Variants in IL1RAPL2 observed in about 807,000 individuals in gnomAD.
The protein encoded by IL1RAPL2 is X-linked interleukin-1 receptor accessory protein-like 2.
A neutral mutation model predicts 44.1 loss-of-function variants in IL1RAPL2; 3 were observed. The ratio of observed to expected loss-of-function variants is 0.07; its 90% CI spans 0.03 to 0.18. The LOEUF is 0.18. Among genes scored for constraint, IL1RAPL2 ranks in the 10% least tolerant of loss-of-function variants. IL1RAPL2 has a pLI of 1.00. For synonymous variants in IL1RAPL2, 181 were observed against 178.8 expected (o/e 1.01, Z -0.10); for missense variants, 391 against 496.4 (o/e 0.79, Z 2.02).
intron 2 of IL1RAPL2, among the ~76,000 whole-genome samples, chrX:104,995,451 G>T (rs749121677): frequency 8.9e-6 from 1 of 111,735 alleles, no homozygotes; most frequent in Non-Finnish European, 1.9e-5. Context: ...TGGCATAAAA[G>T]TGTGATTACT....
chrX:105,281,265 G>A (rs5962501), intron 5 of IL1RAPL2, among the ~76,000 whole-genome samples: 1 of 110,740 alleles, frequency 9.0e-6, no homozygotes, highest in African/African-American at 3.3e-5. Context: ...ACACACCGGG[G>A]ACTTTTGGGG....
intron 5 of IL1RAPL2, among the ~76,000 whole-genome samples, chrX:105,455,747 G>T (rs1363832019): frequency 8.9e-6 from 1 of 112,116 alleles, no homozygotes; most frequent in Non-Finnish European, 1.9e-5. Flanking sequence ...TTTGAAGTCA[G>T]TTAACATGAT....
chrX:105,157,803 TAGTC>T lies in IL1RAPL2; in HGVS notation c.83-37669_83-37666del, dbSNP rs900298044. On this transcript the variant is annotated intron_variant, in intron 2 of 10. Coordinates refer to ENST00000372582, the MANE Select transcript of IL1RAPL2 (RefSeq NM_017416.2). ...CTCTAATGGTTAGGATTTCAGGAATTAGTCAGCAAGTAGGAGAGATTTTAGTTTT... is the reference window on the plus strand; with the variant it reads ...CTCTAATGGTTAGGATTTCAGGAATTAGCAAGTAGGAGAGATTTTAGTTTT... Among the ~76,000 whole-genome samples, 112 of 112,518 alleles carry T rather than the reference TAGTC, an allele frequency of 1.0e-3. 1 individual carries two copies. The highest frequency in any genetic ancestry group is 3.5e-3 in the African/African-American group (108 of 31,015).
chrX:105,193,554 A>C (rs2033649991), intron 2 of IL1RAPL2, among the ~76,000 whole-genome samples: 1 of 112,276 alleles, frequency 8.9e-6, no homozygotes, highest in African/African-American at 3.2e-5. Flanking sequence ...TTTGATCCAG[A>C]GGTGTATCAC....
intron 1 of IL1RAPL2, among the ~76,000 whole-genome samples, chrX:104,610,785 T>G (rs772142782): frequency 2.7e-5 from 3 of 111,696 alleles, no homozygotes; most frequent in East Asian, 2.8e-4. Flanking sequence ...CTACTTTAAA[T>G]TTCATATGGA....
intron 2 of IL1RAPL2, among the ~76,000 whole-genome samples, chrX:104,986,476 G>A (rs1335548164): frequency 8.9e-6 from 1 of 112,104 alleles, no homozygotes; most frequent in Admixed American, 9.5e-5. Context: ...ATAATTTTTT[G>A]TCTGCTAGAA....
At chrX:104,638,754 G>C (rs1004106565) in intron 1 of IL1RAPL2, among the ~76,000 whole-genome samples, 9 of 112,154 alleles carry the variant, frequency 8.0e-5, no homozygotes, top group African/African-American at 2.9e-4. Flanking sequence ...AAAACAATAT[G>C]TTGAGATTTG....
intron 2 of IL1RAPL2, among the ~76,000 whole-genome samples, chrX:105,183,809 A>T (rs2033557917): frequency 2.7e-5 from 3 of 111,382 alleles, no homozygotes; most frequent in Non-Finnish European, 5.7e-5. Context: ...ATGCAGCTGG[A>T]TGTAACTGGG....
At chrX:105,306,305 C>T (rs192940792) in intron 5 of IL1RAPL2, among the ~76,000 whole-genome samples, 1 of 110,719 alleles carries the variant, frequency 9.0e-6, no homozygotes, top group African/African-American at 3.3e-5. Flanking sequence ...GTGTGTATTT[C>T]CCAAGAAAAG....
At position 105,505,716 on chromosome X, in the gene IL1RAPL2, T is replaced by C. The variant is rs139701605; in HGVS notation, c.772+21329T>C. 5.7e-3 allele frequency among the ~76,000 whole-genome samples: 632 copies of C among 111,496 alleles called. 5 individuals carry two copies. The highest frequency in any genetic ancestry group is 0.019 in the African/African-American group (588 of 30,720). On this transcript the variant is annotated intron_variant, in intron 6 of 10. Transcript: ENST00000372582. Reference sequence around the variant, plus strand: ...ATCATGCCAAACATCACAGGAGGGTTCTAATTAAAGAAGTTTCATGATGTA... The same window carrying C: ...ATCATGCCAAACATCACAGGAGGGTCCTAATTAAAGAAGTTTCATGATGTA...
At chrX:104,604,762 ATAAC>A (rs1569279072) in intron 1 of IL1RAPL2, among the ~76,000 whole-genome samples, 1 of 111,169 alleles carries the variant, frequency 9.0e-6, no homozygotes, top group Non-Finnish European at 1.9e-5. Context: ...ATGCAGCAAA[ATAAC>A]TAACTATCCT....
intron 2 of IL1RAPL2, among the ~76,000 whole-genome samples, chrX:104,978,624 A>C (rs1383880645): frequency 1.8e-5 from 2 of 111,831 alleles, no homozygotes; most frequent in East Asian, 2.8e-4. Flanking sequence ...AAGAAGAGGC[A>C]CAATCATCAT....
At chrX:104,817,791 A>AT in intron 2 of IL1RAPL2, among the ~76,000 whole-genome samples, 1 of 111,868 alleles carries the variant, frequency 8.9e-6, no homozygotes, top group East Asian at 2.8e-4. Context: ...AGTGTCTGAC[A>AT]TTTAATTGAT....
intron 5 of IL1RAPL2, among the ~76,000 whole-genome samples, chrX:105,346,986 A>T (rs2147702555): frequency 8.9e-6 from 1 of 111,974 alleles, no homozygotes; most frequent in South Asian, 3.8e-4. Flanking sequence ...GTCCAGAAGA[A>T]ATGTGAATGT....
intron 6 of IL1RAPL2, among the ~76,000 whole-genome samples, chrX:105,487,210 C>G (rs2036276829): frequency 9.0e-6 from 1 of 110,798 alleles, no homozygotes; most frequent in Admixed American, 9.7e-5. Flanking sequence ...ATTAGGCACA[C>G]AACAGCAAAG....
In IL1RAPL2 at chrX:104,734,673, G is replaced by A. The variant is rs138309315; in HGVS notation, c.82+75678G>A. ...CTACAAAGGGATGGCATGAGGTAGTGTTTTGGGGTGATGGAACTGTTCTGT... is the reference window on the plus strand; with the variant it reads ...CTACAAAGGGATGGCATGAGGTAGTATTTTGGGGTGATGGAACTGTTCTGT... On this transcript the variant is annotated intron_variant, in intron 2 of 10. Coordinates refer to ENST00000372582, the MANE Select transcript of IL1RAPL2 (RefSeq NM_017416.2). 8.1e-4 allele frequency among the ~76,000 whole-genome samples: 90 copies of A among 111,735 alleles called. No individual in the cohort carries two copies. In the East Asian group the frequency reaches 0.023, roughly 28 times the overall value.
chrX:104,634,831 A>C (rs1929754718), intron 1 of IL1RAPL2, among the ~76,000 whole-genome samples: 1 of 111,911 alleles, frequency 8.9e-6, no homozygotes, highest in African/African-American at 3.3e-5. Context: ...TGGAGCATTC[A>C]GCCCATTTAC....
At chrX:105,151,906 C>G (rs1320242165) in intron 2 of IL1RAPL2, among the ~76,000 whole-genome samples, 1 of 111,070 alleles carries the variant, frequency 9.0e-6, no homozygotes, top group Non-Finnish European at 1.9e-5. Flanking sequence ...GAATGGAAAA[C>G]CAAACATCAC....
chrX:105,616,674 A>G lies in IL1RAPL2; in HGVS notation c.773-100693A>G, dbSNP rs373478873. Reference sequence around the variant, plus strand: ...AGGGGTTTGTTATGTATACTTAATGACAGTTTTTTGTCAAATATGGGTGTG... The same window carrying G: ...AGGGGTTTGTTATGTATACTTAATGGCAGTTTTTTGTCAAATATGGGTGTG... On this transcript the variant is annotated intron_variant, in intron 6 of 10. Coordinates refer to ENST00000372582, the MANE Select transcript of IL1RAPL2 (RefSeq NM_017416.2). 3.6e-5 allele frequency among the ~76,000 whole-genome samples: 4 copies of G among 110,924 alleles called. No individual in the cohort carries two copies. In the East Asian group the frequency reaches 1.1e-3, roughly 32 times the overall value.
Sources: allele counts gnomAD v4.1 joint callset (sites outside exome capture counted in the v4.1 genomes callset), GRCh38; gene constraint gnomAD v4.1.1; transcripts MANE v1.5; gene names NCBI Gene and HGNC (gene_info 2026-07-23, HGNC 2026-07-21).